Variants in HPCAL1 observed in about 807,000 individuals in gnomAD.
HPCAL1 encodes the protein hippocalcin-like protein 1.
A neutral mutation model predicts 17.1 loss-of-function variants in HPCAL1; 8 were observed. The ratio of observed to expected loss-of-function variants is 0.47; its 90% confidence interval spans 0.27 to 0.84. The LOEUF (loss-of-function observed/expected upper bound fraction) is 0.84, where lower values mean the gene tolerates loss of function less well. HPCAL1 is among the 40% of genes least tolerant of loss of function. The pLI, the probability that HPCAL1 is intolerant of heterozygous loss-of-function variation, is 0.13. For missense variants in HPCAL1, 165 were observed against 271.1 expected (o/e 0.61, Z 2.75); for synonymous variants, 112 against 111.4 (o/e 1.01, Z -0.03).
chr2:10,396,682 C>A (rs1420749846), intron 1 of HPCAL1, among the ~76,000 whole-genome samples, 153 bp from the exon 2 acceptor site: 1 of 152,208 alleles, frequency 6.6e-6, no homozygotes, highest in Non-Finnish European at 1.5e-5. Flanking sequence ...TGGTGGCTGG[C>A]CGGAGGCCGG....
At chr2:10,383,588 C>G (rs1454746410) in intron 1 of HPCAL1, among the ~76,000 whole-genome samples, 1 of 152,020 alleles carries the variant, frequency 6.6e-6, no homozygotes, top group Non-Finnish European at 1.5e-5. Flanking sequence ...GTCTCAAACT[C>G]CTGGCCTCAA....
intron 1 of HPCAL1, among the ~76,000 whole-genome samples, chr2:10,357,277 A>G (rs1244526570): frequency 1.3e-5 from 2 of 152,226 alleles, no homozygotes; most frequent in African/African-American, 4.8e-5. Context: ...GGCCAGCCAC[A>G]TGGCCTTCTC....
At chr2:10,380,549 G>A (rs988599738) in intron 1 of HPCAL1, among the ~76,000 whole-genome samples, 5 of 152,232 alleles carry the variant, frequency 3.3e-5, no homozygotes, top group African/African-American at 9.6e-5. Flanking sequence ...TCCATGGTGT[G>A]TCCACAGAGG....
rs1400666655 is a variant in HPCAL1, at chr2:10,359,787, G to A, written c.-110-37048G>A. 6.6e-6 allele frequency among the ~76,000 whole-genome samples: 1 copy of A among 152,208 alleles called. No individual in the cohort carries two copies. Among genetic ancestry groups the A allele is most frequent in the East Asian group, 1.9e-4 (1 of 5,190 alleles). ...AGATCCCCGTGTCCCCCACAGCGGT[G>A]GCGGTTTTATTGATGTATTGTGAAG... On this transcript the variant is annotated intron_variant, in intron 1 of 4. Transcript: ENST00000307845. The surrounding 1 kb of genome is among the most constrained non-coding windows in gnomAD (Gnocchi z 4.1).
chr2:10,405,582 C>T (rs11683644), intron 2 of HPCAL1, among the ~76,000 whole-genome samples: 11,106 of 152,314 alleles, frequency 0.073, 637 homozygotes, highest in African/African-American at 0.16. Flanking sequence ...AATTTGCAGA[C>T]GGAATTCTGC....
chr2:10,313,760 A>G (rs1663130041), intron 1 of HPCAL1, among the ~76,000 whole-genome samples: 1 of 152,242 alleles, frequency 6.6e-6, no homozygotes, highest in South Asian at 2.1e-4. Context: ...AAGATGTTTA[A>G]AAATGCATAC....
At chr2:10,327,709 G>A (rs1184869140) in intron 1 of HPCAL1, among the ~76,000 whole-genome samples, 13 of 152,044 alleles carry the variant, frequency 8.6e-5, no homozygotes, top group Admixed American at 7.9e-4. Context: ...ATAGTCATCT[G>A]TGGGTATAAG....
intron 1 of HPCAL1, among the ~76,000 whole-genome samples, chr2:10,336,943 G>A (rs1163356006): frequency 6.6e-6 from 1 of 152,064 alleles, no homozygotes; most frequent in African/African-American, 2.4e-5. Flanking sequence ...GTAGAGATGG[G>A]GGCCTTGTTA....
intron 4 of HPCAL1, 128 bp downstream of exon 4, chr2:10,423,216 T>C (rs1472341400): frequency 1.4e-6 from 1 of 701,826 alleles, no homozygotes; most frequent in East Asian, 2.7e-5. Context: ...GCCACCTGCC[T>C]GGCGCCTGCC....
Position 10,331,517 on chromosome 2 carries a change from C to CG in HPCAL1, c.-111+28344dup, listed in dbSNP as rs938937466. Among the ~76,000 whole-genome samples, 103 of 152,282 alleles carry CG rather than the reference C, an allele frequency of 6.8e-4. No individual in the cohort carries two copies. The highest frequency in any genetic ancestry group is 2.4e-3 in the African/African-American group (99 of 41,550). The stretch of plus-strand genomic sequence containing the variant: ...GAACGGATGCAGCAGCGAGGTTTTC[C>CG]GGGGCAGGAACACCCTCCCAGGAGC... On this transcript the variant is annotated intron_variant, in intron 1 of 4. Coordinates refer to ENST00000307845, the MANE Select transcript of HPCAL1 (RefSeq NM_002149.4). The surrounding 1 kb of genome is among the most constrained non-coding windows in gnomAD (Gnocchi z 5.0).
At chr2:10,311,335 G>A (rs931190273) in intron 1 of HPCAL1, among the ~76,000 whole-genome samples, 1 of 152,234 alleles carries the variant, frequency 6.6e-6, no homozygotes, top group Non-Finnish European at 1.5e-5. Flanking sequence ...TTCCCAGCGA[G>A]TAAAGGTAGA....
chr2:10,309,447 G>C (rs561751287), intron 1 of HPCAL1, among the ~76,000 whole-genome samples: 111 of 152,300 alleles, frequency 7.3e-4, no homozygotes, highest in Non-Finnish European at 1.5e-3. Context: ...TTTCTCTTCC[G>C]CCCTTGTTTT....
intron 1 of HPCAL1, among the ~76,000 whole-genome samples, chr2:10,378,723 GT>G: frequency 6.6e-6 from 1 of 152,184 alleles, no homozygotes; most frequent in Non-Finnish European, 1.5e-5. Context: ...GGGCACAGCC[GT>G]TCAGTCCATG....
At chr2:10,414,621 C>T (rs566922067) in intron 2 of HPCAL1, among the ~76,000 whole-genome samples, 2 of 152,114 alleles carry the variant, frequency 1.3e-5, no homozygotes, top group South Asian at 4.1e-4. Flanking sequence ...TTCTGAGGGA[C>T]CTGGGGTTAG....
At chr2:10,385,170 T>G (rs1242597364) in intron 1 of HPCAL1, among the ~76,000 whole-genome samples, 2 of 151,078 alleles carry the variant, frequency 1.3e-5, no homozygotes, top group Non-Finnish European at 2.9e-5. Flanking sequence ...CGCATGTGAG[T>G]GAGCAGCTGT....
chr2:10,392,306 GC>G (rs1316199581), intron 1 of HPCAL1, among the ~76,000 whole-genome samples: 2 of 152,192 alleles, frequency 1.3e-5, no homozygotes, highest in African/African-American at 2.4e-5. Context: ...CTCCCTTAGG[GC>G]TGGGATTACA....
chr2:10,389,907 G>A (rs1358642627), intron 1 of HPCAL1, among the ~76,000 whole-genome samples: 2 of 152,224 alleles, frequency 1.3e-5, no homozygotes, highest in African/African-American at 4.8e-5. Context: ...CATGAAGGAG[G>A]TCAGCTGCTG....
Position 10,331,086 on chromosome 2 carries a change from C to T in HPCAL1, c.-111+27909C>T, listed in dbSNP as rs1246507414. ...TCTCGTGGCCTCCCATCTGCTCTCC[C>T]GGCTGCAGGAGCGGTTTCTCTAAGC... On this transcript the variant is annotated intron_variant, in intron 1 of 4. Transcript: ENST00000307845. This position sits in a 1 kb window ranked among gnomAD's most constrained non-coding sequence, Gnocchi z 5.0. Among the ~76,000 whole-genome samples the T allele has an allele frequency of 3.3e-5, 5 of 152,118 alleles. No homozygotes were observed. Among genetic ancestry groups the T allele is most frequent in the Non-Finnish European group, 5.9e-5 (4 of 68,018 alleles).
In HPCAL1 at chr2:10,367,444, G is replaced by T. The variant is rs1179148516; in HGVS notation, c.-110-29391G>T. Among the ~76,000 whole-genome samples, 1 of 151,898 alleles carries T rather than the reference G, an allele frequency of 6.6e-6. No individual in the cohort carries two copies. On this transcript the variant is annotated intron_variant, in intron 1 of 4. Transcript: ENST00000307845. This position sits in a 1 kb window ranked among gnomAD's most constrained non-coding sequence, Gnocchi z 4.4. ...TGGGACTACAGGTGTGCGCCACCAC[G>T]CATGGCTAATTTTTTGTAGAGATGG...
Sources: gnomAD v4.1 joint callset for allele counts (sites outside exome capture counted in the v4.1 genomes callset) on GRCh38, gnomAD v4.1.1 for gene constraint, Gnocchi (gnomAD v3.1) non-coding constraint, MANE v1.5 for transcripts, NCBI Gene and HGNC (gene_info 2026-07-23, HGNC 2026-07-21) for gene names.